The following VASH2 variants were observed in gnomAD, a reference collection of about 807,000 sequenced individuals.
The protein encoded by VASH2 is tubulinyl-Tyr carboxypeptidase 2.
A neutral mutation model predicts 37.2 loss-of-function variants in VASH2; 28 were observed. The ratio of observed to expected loss-of-function variants is 0.75; its 90% CI spans 0.56 to 1.03. The LOEUF (loss-of-function observed/expected upper bound fraction) is 1.03. Among genes scored for constraint, VASH2 ranks in the 50% least tolerant of loss-of-function variants. The pLI is 0.00. For synonymous variants in VASH2, 188 were observed against 174.7 expected (o/e 1.08, Z -0.60); for missense variants, 419 against 459.1 (o/e 0.91, Z 0.80).
At chr1:212,987,888 T>C (rs1204489725) in intron 7 of VASH2, among the ~76,000 whole-genome samples, 1 of 152,246 alleles carries the variant, frequency 6.6e-6, no homozygotes, top group Non-Finnish European at 1.5e-5. Context: ...TTGAAGTACT[T>C]TCTCACATGA....
At chr1:212,959,815 G>A (rs576179332) in intron 2 of VASH2, among the ~76,000 whole-genome samples, 4 of 152,326 alleles carry the variant, frequency 2.6e-5, no homozygotes, top group East Asian at 1.9e-4. Context: ...TTCCATCAGC[G>A]GAGCACCAGA....
chr1:212,973,965 C>G lies in VASH2; in HGVS notation c.890C>G (p.Pro297Arg), dbSNP rs1443955639. The part of the protein sequence containing the change: ...ARDMRMKILK[P>R]ASAHSPTQVR... ...TCACATCTCCTTCAGATCCTGAAAC[C>G]TGCAAGTGCCCACTCTCCGACCCAA... The change falls in exon 7 of 8, where the codon CCT (proline) becomes CGT (arginine). Residue 297 changes from proline (P) to arginine (R), a missense_variant. Physicochemically the swap from Pro to Arg is moderately radical, Grantham distance 103. Around this residue, in one of 3 missense-constraint regions of VASH2, gnomAD observed 177 missense variants for 166.2 expected, o/e 1.06. Coordinates refer to ENST00000517399, the MANE Select transcript of VASH2 (RefSeq NM_001301056.2). The G allele has an allele frequency of 3.1e-6, 5 of 1,613,688 alleles. No homozygotes were observed. Among genetic ancestry groups the G allele is most frequent in the Non-Finnish European group, 4.2e-6 (5 of 1,179,836 alleles).
At position 212,972,844 on chromosome 1, in the gene VASH2, T is replaced by A. The variant is rs767217848; in HGVS notation, c.762T>A (p.His254Gln). 2.5e-6 allele frequency: 4 copies of A among 1,614,120 alleles called. No individual in the cohort carries two copies. Among genetic ancestry groups the A allele is most frequent in the Non-Finnish European group, 3.4e-6 (4 of 1,180,022 alleles). ...TCAAGATTGGGCTGTACGTCCCCCA[T>A]GAGCCTCATAGCTTCCAGCCCATTG... ...KKVKIGLYVPHEPHSFQPIEW... is the reference protein window; with the variant it reads ...KKVKIGLYVPQEPHSFQPIEW... Residue 254 changes from histidine (H) to glutamine (Q), a missense_variant, in exon 6 of 8, where the codon CAT (histidine) becomes CAA (glutamine). This residue lies in a region of VASH2 where 177 missense variants were observed against 166.2 expected (regional missense o/e 1.06). Transcript: ENST00000517399.
intron 3 of VASH2, among the ~76,000 whole-genome samples, chr1:212,962,452 T>C (rs1410943200): frequency 6.6e-6 from 1 of 152,192 alleles, no homozygotes; most frequent in Non-Finnish European, 1.5e-5. Flanking sequence ...TACCCAGCCC[T>C]GAGGCAGAAA....
chr1:212,960,280 T>C (rs992178998), intron 2 of VASH2, among the ~76,000 whole-genome samples: 24 of 152,166 alleles, frequency 1.6e-4, no homozygotes, highest in African/African-American at 5.3e-4. Flanking sequence ...GTCTGCTGTG[T>C]TGTAGACATT....
chr1:212,974,222 TG>T, intron 7 of VASH2, 152 bp downstream of exon 7: 4 of 1,044,774 alleles, frequency 3.8e-6, no homozygotes, highest in Non-Finnish European at 5.3e-6. Flanking sequence ...GGGACATCTG[TG>T]GAAAAGGATC....
chr1:212,974,152 T>C, intron 7 of VASH2, 82 bp downstream of exon 7: 1 of 1,449,398 alleles, frequency 6.9e-7, no homozygotes, highest in Middle Eastern at 1.8e-4. Context: ...GACAAAGCTG[T>C]GTCTTGGGCA....
intron 7 of VASH2, among the ~76,000 whole-genome samples, chr1:212,987,626 A>G (rs1667520912): frequency 6.6e-6 from 1 of 152,244 alleles, no homozygotes. Context: ...TAACCTAAAC[A>G]TGTCTTTTTC....
intron 5 of VASH2, chr1:212,967,380 A>C (rs982410580): frequency 1.7e-6 from 2 of 1,202,366 alleles, no homozygotes; most frequent in Non-Finnish European, 2.1e-6. Context: ...GATCTGCCAC[A>C]ATCAGATAGA....
chr1:212,963,407 T>C (rs1558144436), intron 3 of VASH2, among the ~76,000 whole-genome samples: 1 of 152,180 alleles, frequency 6.6e-6, no homozygotes, highest in Non-Finnish European at 1.5e-5. Flanking sequence ...ATTTAGTTCC[T>C]TGGGACTTCC....
chr1:212,973,800 G>T, intron 6 of VASH2, 155 bp from the exon 7 acceptor site: 2 of 1,411,200 alleles, frequency 1.4e-6, no homozygotes, highest in East Asian at 2.6e-5. Flanking sequence ...GAATGTGTGT[G>T]TCTCCAGCCT....
chr1:212,952,223 C>A (rs1188983379), intron 2 of VASH2, among the ~76,000 whole-genome samples: 4 of 152,236 alleles, frequency 2.6e-5, no homozygotes, highest in Non-Finnish European at 5.9e-5. Flanking sequence ...TCTTGCTCCT[C>A]CTCTGCTCCC....
chr1:212,950,750 T>C lies in VASH2; in HGVS notation c.-205+10T>C, dbSNP rs1440109651. On this transcript the variant is annotated intron_variant, in intron 1 of 7. Coordinates refer to ENST00000517399, the MANE Select transcript of VASH2 (RefSeq NM_001301056.2). The surrounding 1 kb of genome is among the most constrained non-coding windows in gnomAD (Gnocchi z 5.5). ...AGCCAACCGTCCCGAGGTAGGATCTTGGAGCTGCCGCGCGCCCTTCCTGCG... is the reference window on the plus strand; with the variant it reads ...AGCCAACCGTCCCGAGGTAGGATCTCGGAGCTGCCGCGCGCCCTTCCTGCG... 1 of 153,280 alleles carries C rather than the reference T, an allele frequency of 6.5e-6. No individual in the cohort carries two copies. The highest frequency in any genetic ancestry group is 1.5e-5 in the Non-Finnish European group (1 of 68,256). The allele number at this position is 153,280 out of a possible 1,614,324, so 9.5% of individuals were successfully genotyped here. A position where few individuals can be genotyped will look rare whatever the true frequency, so the allele number is the denominator to read the frequency against.
chr1:212,973,937 T>C lies in VASH2; in HGVS notation c.880-18T>C, dbSNP rs1162718242. The C allele has an allele frequency of 1.2e-6, 2 of 1,611,250 alleles. No individual in the cohort carries two copies. Among genetic ancestry groups the C allele is most frequent in the East Asian group, 2.2e-5 (1 of 44,784 alleles). On this transcript the variant is annotated intron_variant, in intron 6 of 7. Coordinates refer to ENST00000517399, the MANE Select transcript of VASH2 (RefSeq NM_001301056.2). ...TCCCTTAGGAACCAGGGTGATTAACTCCTCACATCTCCTTCAGATCCTGAA... is the reference window on the plus strand; with the variant it reads ...TCCCTTAGGAACCAGGGTGATTAACCCCTCACATCTCCTTCAGATCCTGAA...
intron 7 of VASH2, among the ~76,000 whole-genome samples, chr1:212,975,803 C>T (rs546778910): frequency 6.6e-6 from 1 of 152,310 alleles, no homozygotes; most frequent in East Asian, 1.9e-4. Context: ...CAGCAAATGT[C>T]GAGCAGAGTC....
rs577652857 is a variant in VASH2 at position 212,967,009 on chromosome 1, T to G, written c.497+664T>G. On this transcript the variant is annotated intron_variant, in intron 5 of 7. Coordinates refer to ENST00000517399, the MANE Select transcript of VASH2 (RefSeq NM_001301056.2). ...ATCCGCCCACCTCAGCCTCCCAAAG[T>G]GTTGAGATTAGAGGCAGGAGCCATC... 37 of 881,282 alleles carry G rather than the reference T, an allele frequency of 4.2e-5. No individual in the cohort carries two copies. The African/African-American group carries it at 6.3e-4, about 15-fold the overall frequency. The allele number at this position is 881,282 out of a possible 1,614,324, so 54.6% of individuals were successfully genotyped here. A position where few individuals can be genotyped will look rare whatever the true frequency, so the allele number is the denominator to read the frequency against.
intron 4 of VASH2, 133 bp from the exon 5 acceptor site, chr1:212,966,138 G>T (rs1558145566): frequency 2.6e-6 from 2 of 756,968 alleles, no homozygotes; most frequent in Non-Finnish European, 4.4e-6. Flanking sequence ...TTCCTGCAAG[G>T]TGACTTCTCC....
chr1:212,975,371 G>A (rs1438155446), intron 7 of VASH2, among the ~76,000 whole-genome samples: 2 of 152,248 alleles, frequency 1.3e-5, no homozygotes, highest in African/African-American at 2.4e-5. Context: ...GAAGGAGGGT[G>A]TGAGGTGTGA....
Position 212,972,910 on chromosome 1 carries a change from G to C in VASH2, c.828G>C (p.Arg276Ser). The C allele has an allele frequency of 1.9e-6, 3 of 1,614,100 alleles. No individual in the cohort carries two copies. Among genetic ancestry groups the C allele is most frequent in the Non-Finnish European group, 2.5e-6 (3 of 1,180,030 alleles). Residue 276 changes from arginine to serine, a missense_variant, in exon 6 of 8, where the codon AGG (arginine) becomes AGC (serine). Coordinates refer to ENST00000517399, the MANE Select transcript of VASH2 (RefSeq NM_001301056.2). ...QLVLNVSKML[R>S]ADIRKELEKY... ...TCCTCAACGTCTCAAAGATGCTGAGGGCTGACATAAGGAAGGAGCTGGAGA... is the reference window on the plus strand; with the variant it reads ...TCCTCAACGTCTCAAAGATGCTGAGCGCTGACATAAGGAAGGAGCTGGAGA...
Sources: gnomAD v4.1 joint callset for allele counts (sites outside exome capture counted in the v4.1 genomes callset) on GRCh38, gnomAD v4.1.1 for gene constraint, gnomAD v4.1.1 regional missense constraint, Gnocchi (gnomAD v3.1) non-coding constraint, MANE v1.5 for transcripts, NCBI Gene and HGNC (gene_info 2026-07-23, HGNC 2026-07-21) for gene names.